Variants in AP3S2 observed in about 807,000 individuals in gnomAD.
AP3S2 encodes the protein AP-3 complex subunit sigma-2.
In AP3S2, 22 loss-of-function variants were observed where a neutral mutation model predicts 23.4. The ratio of observed to expected loss-of-function variants is 0.94; its 90% CI spans 0.67 to 1.34. The LOEUF (loss-of-function observed/expected upper bound fraction) is 1.34, where lower values mean the gene tolerates loss of function less well. AP3S2 is among the 40% of genes most tolerant of loss of function. The pLI, the probability that AP3S2 is intolerant of heterozygous loss-of-function variation, is 0.00. For missense variants in AP3S2, 241 were observed against 236.9 expected (o/e 1.02, Z -0.11); for synonymous variants, 86 against 87.1 (o/e 0.99, Z 0.07).
intron 3 of AP3S2, among the ~76,000 whole-genome samples, chr15:89,875,103 A>T (rs1192118333): frequency 6.6e-6 from 1 of 152,254 alleles, no homozygotes; most frequent in East Asian, 1.9e-4. Context: ...GGAGCTATTC[A>T]GTCTGTGGCA....
chr15:89,869,055 C>A (rs1484787493), intron 4 of AP3S2, among the ~76,000 whole-genome samples: 1 of 151,430 alleles, frequency 6.6e-6, no homozygotes, highest in Non-Finnish European at 1.5e-5. Context: ...CGGCCACCAC[C>A]CCGTCTGGGA....
chr15:89,840,669 C>A (rs1410507780), intron 4 of AP3S2, among the ~76,000 whole-genome samples: 3 of 152,150 alleles, frequency 2.0e-5, no homozygotes, highest in Non-Finnish European at 4.4e-5. Flanking sequence ...CTCAGATGAT[C>A]CCCCTGCCTT....
At chr15:89,858,371 G>A (rs1005841027) in intron 4 of AP3S2, among the ~76,000 whole-genome samples, 3 of 151,810 alleles carry the variant, frequency 2.0e-5, no homozygotes, top group South Asian at 2.1e-4. Context: ...AACCCAGGAG[G>A]TGGAGGTTGC....
rs893794811 is a variant in AP3S2, at chr15:89,893,138, A to C, written c.69+743T>G. ...CGCAAGAGTAGAAAAGGTGGAGCTG[A>C]AGCCTGAACACGTTTTCTGGCTCTT... On this transcript the variant is annotated intron_variant, in intron 1 of 5. Transcript: ENST00000336418. The C allele has an allele frequency of 2.6e-5, 4 of 152,414 alleles. No individual in the cohort carries two copies. The South Asian group carries it at 8.3e-4, about 32-fold the overall frequency. 9.4% of individuals were successfully genotyped at this position (152,414 alleles called of 1,614,324 possible).
chr15:89,884,571 A>C (rs1338923202), intron 3 of AP3S2, among the ~76,000 whole-genome samples: 1 of 152,144 alleles, frequency 6.6e-6, no homozygotes, highest in African/African-American at 2.4e-5. Context: ...CCTTGGTTCA[A>C]CTGATTGTCG....
In AP3S2 at chr15:89,830,716, G is replaced by A. The variant is rs1233503583; in HGVS notation, c.*4799C>T. 1.3e-5 allele frequency: 2 copies of A among 152,352 alleles called. No homozygotes were observed. Among genetic ancestry groups the A allele is most frequent in the Non-Finnish European group, 1.5e-5 (1 of 68,104 alleles). The allele number at this position is 152,352 out of a possible 1,614,324, so 9.4% of individuals were successfully genotyped here. Reference sequence around the variant, plus strand: ...CCCTGGAGGGGCTTACATCCCGGCAGGGTAAACAGCCAGTAACTTCAGAAA... The same window carrying A: ...CCCTGGAGGGGCTTACATCCCGGCAAGGTAAACAGCCAGTAACTTCAGAAA... On this transcript the variant is annotated 3_prime_UTR_variant, in exon 6 of 6. Coordinates refer to ENST00000336418, the MANE Select transcript of AP3S2 (RefSeq NM_005829.5).
At chr15:89,878,554 ATATTCT>A (rs1006736384) in intron 3 of AP3S2, among the ~76,000 whole-genome samples, 2 of 152,136 alleles carry the variant, frequency 1.3e-5, no homozygotes, top group African/African-American at 4.8e-5. Flanking sequence ...ACATTTGAAA[ATATTCT>A]TATTTTTATC....
At chr15:89,879,346 T>A (rs138913747) in intron 3 of AP3S2, among the ~76,000 whole-genome samples, 1 of 152,332 alleles carries the variant, frequency 6.6e-6, no homozygotes, top group African/African-American at 2.4e-5. Flanking sequence ...GCAATTCCAA[T>A]TGAGAAATCT....
Position 89,835,244 on chromosome 15 carries a change from C to A in AP3S2, c.*271G>T, listed in dbSNP as rs980861169. 2 of 521,036 alleles carry A rather than the reference C, an allele frequency of 3.8e-6. No individual in the cohort carries two copies. Among genetic ancestry groups the A allele is most frequent in the Non-Finnish European group, 6.6e-6 (2 of 302,016 alleles). The allele number at this position is 521,036 out of a possible 1,614,324, so 32.3% of individuals were successfully genotyped here. A position where few individuals can be genotyped will look rare whatever the true frequency, so the allele number is the denominator to read the frequency against. ...TGCAAATGACTTGGGCATGTTGACT[C>A]CCTACTGAGGAAGGCAGGGCCCCTC... On this transcript the variant is annotated 3_prime_UTR_variant, in exon 6 of 6. Coordinates refer to ENST00000336418, the MANE Select transcript of AP3S2 (RefSeq NM_005829.5).
At chr15:89,873,876 CTTTTTTTTTT>C (rs3055916) in intron 3 of AP3S2, among the ~76,000 whole-genome samples, 1 of 76,850 alleles carries the variant, frequency 1.3e-5, no homozygotes, top group East Asian at 4.4e-4. Context: ...TTCTCTGTGG[CTTTTTTTTTT>C]TTTTTTTTTT....
rs1688971705 is a variant in AP3S2, at chr15:89,893,907, G to A, written c.43C>T (p.Arg15Trp). Residue 15 changes from arginine (R) to tryptophan (W), a missense_variant, in exon 1 of 6, where the codon CGG (arginine) becomes TGG (tryptophan). Coordinates refer to ENST00000336418, the MANE Select transcript of AP3S2 (RefSeq NM_005829.5). Reference protein sequence around the residue: ...ILVFNNHGKPRLVRFYQRFPE... With the variant: ...ILVFNNHGKPWLVRFYQRFPE... ...AAACGCTGGTAGAAGCGGACTAGCC[G>A]TGGCTTCCCATGGTTGTTGAAAACC... 2 of 1,551,720 alleles carry A rather than the reference G, an allele frequency of 1.3e-6. No homozygotes were observed. Among genetic ancestry groups the A allele is most frequent in the African/African-American group, 2.7e-5 (2 of 73,190 alleles).
Position 89,834,085 on chromosome 15 carries a change from G to A in AP3S2, c.*1430C>T, listed in dbSNP as rs1363326127. On this transcript the variant is annotated 3_prime_UTR_variant, in exon 6 of 6. Transcript: ENST00000336418. ...AGAAAGAACATTTATGGGCGCCTAA[G>A]CCCTGGGAGAATGGCACCTGAGGGA... is the stretch of plus-strand genomic sequence containing the variant. 1 of 152,346 alleles carries A rather than the reference G, an allele frequency of 6.6e-6. No homozygotes were observed. The highest frequency in any genetic ancestry group is 2.4e-5 in the African/African-American group (1 of 41,468). 9.4% of individuals were successfully genotyped at this position (152,346 alleles called of 1,614,324 possible). A position where few individuals can be genotyped will look rare whatever the true frequency, so the allele number is the denominator to read the frequency against.
In AP3S2 at chr15:89,867,148, G is replaced by A. The variant is rs936809972; in HGVS notation, c.345+4327C>T. On this transcript the variant is annotated intron_variant, in intron 4 of 5. Coordinates refer to ENST00000336418, the MANE Select transcript of AP3S2 (RefSeq NM_005829.5). ...CCTGATTCTCCTGCCTCAGCCTGCC[G>A]AGTGCCTGCGATTGCAGGCACGCGC... Among the ~76,000 whole-genome samples the A allele has an allele frequency of 1.8e-3, 261 of 148,626 alleles. 1 individual carries two copies. Among genetic ancestry groups the A allele is most frequent in the African/African-American group, 5.7e-3 (233 of 40,674 alleles).
intron 1 of AP3S2, among the ~76,000 whole-genome samples, chr15:89,891,635 T>C (rs1411788871): frequency 6.7e-6 from 1 of 149,806 alleles, no homozygotes; most frequent in Non-Finnish European, 1.5e-5. Flanking sequence ...GCCTGGGAGA[T>C]AGAGTGAGAT....
chr15:89,885,489 C>G (rs1318693710), intron 3 of AP3S2, among the ~76,000 whole-genome samples: 1 of 152,214 alleles, frequency 6.6e-6, no homozygotes. Context: ...AGGCATGTGC[C>G]ACTGCCCCAG....
rs1287651713 is a variant in AP3S2 at position 89,832,030 on chromosome 15, ACAGAGC to A, written c.*3479_*3484del. ...ATGCTCACAGAGACAACAGGAGCAG[ACAGAGC>A]CTTGTTTCTCTCTTAATCTTCAGAG... On this transcript the variant is annotated 3_prime_UTR_variant, in exon 6 of 6. Coordinates refer to ENST00000336418, the MANE Select transcript of AP3S2 (RefSeq NM_005829.5). The A allele has an allele frequency of 6.6e-6, 1 of 152,262 alleles. No individual in the cohort carries two copies. The highest frequency in any genetic ancestry group is 2.4e-5 in the African/African-American group (1 of 41,474). 9.4% of individuals were successfully genotyped at this position (152,262 alleles called of 1,614,324 possible). A position where few individuals can be genotyped will look rare whatever the true frequency, so the allele number is the denominator to read the frequency against.
chr15:89,869,442 G>A (rs527682078), intron 4 of AP3S2, among the ~76,000 whole-genome samples: 1,522 of 147,422 alleles, frequency 0.01, 9 homozygotes, highest in Non-Finnish European at 0.017. Flanking sequence ...GCGGAAGGCC[G>A]CAGGGTCCTC....
intron 5 of AP3S2, 91 bp from the exon 6 acceptor site, chr15:89,835,734 A>C: frequency 8.1e-6 from 12 of 1,476,188 alleles, no homozygotes; most frequent in African/African-American, 1.4e-5. Flanking sequence ...CAAAAACAAA[A>C]ACAAACAAGC....
At chr15:89,884,866 T>A (rs1596221141) in intron 3 of AP3S2, among the ~76,000 whole-genome samples, 1 of 152,122 alleles carries the variant, frequency 6.6e-6, no homozygotes, top group South Asian at 2.1e-4. Flanking sequence ...GCCTGGCTGG[T>A]CTCGAACTCC....
Sources: allele counts gnomAD v4.1 joint callset (sites outside exome capture counted in the v4.1 genomes callset), GRCh38; gene constraint gnomAD v4.1.1; transcripts MANE v1.5; gene names NCBI Gene and HGNC (gene_info 2026-07-23, HGNC 2026-07-21).